The following SLIT2 variants were observed in gnomAD, a reference collection of about 807,000 sequenced individuals.
SLIT2 encodes the protein slit homolog 2 protein.
SLIT2 carries 41 observed loss-of-function variants against 185.7 expected under a neutral mutation model. The observed-to-expected ratio is 0.22, with a 90% CI of 0.17 to 0.29. The LOEUF (loss-of-function observed/expected upper bound fraction) is 0.29. Ranked by LOEUF, SLIT2 falls within the 10% of genes least tolerant of loss-of-function variation. The pLI is 1.00. For missense variants in SLIT2, 1,571 were observed against 1,909.0 expected, an observed-to-expected ratio of 0.82 and a Z score of 3.30; for synonymous variants, 693 against 680.2, an observed-to-expected ratio of 1.02 and a Z score of -0.29.
rs1295718432 is a variant in SLIT2, at chr4:20,596,459, C to G, written c.3365C>G (p.Thr1122Ser). The G allele has an allele frequency of 1.2e-6, 2 of 1,613,962 alleles. No homozygotes were observed. Among genetic ancestry groups the G allele is most frequent in the Non-Finnish European group, 1.7e-6 (2 of 1,179,894 alleles). The change falls in exon 32 of 37, where the codon ACC becomes AGC. Residue 1122 changes from threonine (T) to serine (S), a missense_variant. Physicochemically the swap from Thr to Ser is moderately conservative, Grantham distance 58 (BLOSUM62 1). Transcript: ENST00000504154. ...EFSPPMVLPR[T>S]SPCDNFDCQN... ...TCTCCACCCATGGTCCTCCCTCGTA[C>G]CAGCCCCTGTGATAATTTTGATTGT...
intron 4 of SLIT2, among the ~76,000 whole-genome samples, chr4:20,409,431 A>G (rs1727028050): frequency 1.3e-5 from 2 of 152,168 alleles, no homozygotes; most frequent in Admixed American, 1.3e-4. Flanking sequence ...ATAGTATTCC[A>G]TGGTGTATAT....
intron 11 of SLIT2, 97 bp from the exon 12 acceptor site, chr4:20,519,285 C>A (rs933748686): frequency 2.2e-5 from 15 of 687,740 alleles, no homozygotes; most frequent in Middle Eastern, 3.7e-4. Flanking sequence ...GTATTGATTG[C>A]CTACTAGCTT....
chr4:20,566,801 T>C (rs1454551753), intron 26 of SLIT2, among the ~76,000 whole-genome samples: 1 of 152,028 alleles, frequency 6.6e-6, no homozygotes. Flanking sequence ...AGGTGCATTG[T>C]ATTGTGTATT....
intron 4 of SLIT2, among the ~76,000 whole-genome samples, chr4:20,288,858 A>G (rs1333393235): frequency 6.6e-6 from 1 of 152,186 alleles, no homozygotes; most frequent in Non-Finnish European, 1.5e-5. Context: ...TTCCTGGTTC[A>G]TAGTCAGTGA....
intron 4 of SLIT2, among the ~76,000 whole-genome samples, chr4:20,430,739 G>A (rs1279661534): frequency 1.3e-5 from 2 of 152,058 alleles, no homozygotes; most frequent in African/African-American, 4.8e-5. Flanking sequence ...CCGCCCATGG[G>A]GCCTCGTATT....
At position 20,428,838 on chromosome 4, in the gene SLIT2, C is replaced by T. The variant is rs181518792; in HGVS notation, c.396-38914C>T. ...AATTTTAAATGGGAAATTGCTGACA[C>T]GTTAAAGTGGCATCTGTCCTGCTCC... is the stretch of plus-strand genomic sequence containing the variant. On this transcript the variant is annotated intron_variant, in intron 4 of 36. Coordinates refer to ENST00000504154, the MANE Select transcript of SLIT2 (RefSeq NM_004787.4). Among the ~76,000 whole-genome samples, 777 of 152,272 alleles carry T rather than the reference C, an allele frequency of 5.1e-3. 15 individuals carry two copies. The highest frequency in any genetic ancestry group is 0.02 in the Middle Eastern group (6 of 294).
rs140946168 is a variant in SLIT2, at chr4:20,391,014, A to G, written c.396-76738A>G. On this transcript the variant is annotated intron_variant, in intron 4 of 36. Coordinates refer to ENST00000504154, the MANE Select transcript of SLIT2 (RefSeq NM_004787.4). Reference sequence around the variant, plus strand: ...GAATTTTAATTTTACGGTGCCCATAAATAATCCACTTAAAGATGGAAAACA... The same window carrying G: ...GAATTTTAATTTTACGGTGCCCATAGATAATCCACTTAAAGATGGAAAACA... Among the ~76,000 whole-genome samples, 149 of 152,154 alleles carry G rather than the reference A, an allele frequency of 9.8e-4. 1 individual carries two copies. The highest frequency in any genetic ancestry group is 3.3e-3 in the African/African-American group (138 of 41,542).
intron 4 of SLIT2, among the ~76,000 whole-genome samples, chr4:20,376,822 A>G (rs1170816037): frequency 1.3e-5 from 2 of 151,860 alleles, no homozygotes; most frequent in Non-Finnish European, 2.9e-5. Context: ...GAATTGAACA[A>G]TGAGAACAGT....
chr4:20,275,770 A>G lies in SLIT2; in HGVS notation c.395+6889A>G, dbSNP rs570060727. 4.1e-4 allele frequency among the ~76,000 whole-genome samples: 63 copies of G among 152,310 alleles called. 1 individual carries two copies. The highest frequency in any genetic ancestry group is 1.2e-3 in the African/African-American group (51 of 41,576). On this transcript the variant is annotated intron_variant, in intron 4 of 36. Coordinates refer to ENST00000504154, the MANE Select transcript of SLIT2 (RefSeq NM_004787.4). ...ATTCATATAGTTTTAAAATTCATCT[A>G]TAAAATAAATTACAGATAGAAACAA...
At chr4:20,360,219 A>G (rs6447958) in intron 4 of SLIT2, among the ~76,000 whole-genome samples, 140,461 of 152,202 alleles carry the variant, frequency 0.92, 64,902 homozygotes, top group East Asian at 0.97. Context: ...TCAACTGAAT[A>G]CCTATTATCT....
At chr4:20,456,997 A>G (rs1713146427) in intron 4 of SLIT2, among the ~76,000 whole-genome samples, 1 of 152,152 alleles carries the variant, frequency 6.6e-6, no homozygotes, top group South Asian at 2.1e-4. Flanking sequence ...CCAAAGAGCA[A>G]GTCATCATTG....
intron 5 of SLIT2, among the ~76,000 whole-genome samples, chr4:20,472,453 G>C (rs372884052): frequency 8.5e-5 from 2 of 23,460 alleles, no homozygotes; most frequent in African/African-American, 1.7e-4. Context: ...TATCTATATA[G>C]ATATATCTAT....
chr4:20,567,471 G>C, intron 27 of SLIT2, 47 bp from the exon 28 acceptor site: 1 of 1,609,382 alleles, frequency 6.2e-7, no homozygotes, highest in Non-Finnish European at 8.5e-7. Context: ...CTTTCTGTAT[G>C]TGCCAAGAAC....
chr4:20,531,878 T>A (rs1721841567), intron 16 of SLIT2, 106 bp from the exon 17 acceptor site: 2 of 623,546 alleles, frequency 3.2e-6, no homozygotes, highest in Non-Finnish European at 5.6e-6. Flanking sequence ...TTCCTTTTAT[T>A]TTCCTGGTAT....
chr4:20,548,481 C>T lies in SLIT2; in HGVS notation c.2346-7C>T, dbSNP rs903811108. On this transcript the variant is annotated splice_region_variant and splice_polypyrimidine_tract_variant and intron_variant, in intron 22 of 36. Transcript: ENST00000504154. Reference sequence around the variant, plus strand: ...AATAGTGTACTCCATTTCTTTTTCTCTTTTAGAGACTTAAGTAACAACAGA... The same window carrying T: ...AATAGTGTACTCCATTTCTTTTTCTTTTTTAGAGACTTAAGTAACAACAGA... The T allele has an allele frequency of 2.0e-6, 3 of 1,527,916 alleles. No individual in the cohort carries two copies. The highest frequency in any genetic ancestry group is 1.7e-5 in the Admixed American group (1 of 59,330). 94.6% of individuals were successfully genotyped at this position (1,527,916 alleles called of 1,614,324 possible).
intron 33 of SLIT2, among the ~76,000 whole-genome samples, chr4:20,604,203 C>G (rs1274937456): frequency 2.0e-5 from 3 of 152,194 alleles, no homozygotes; most frequent in African/African-American, 7.2e-5. Context: ...CCTGACATCT[C>G]ACTGTACAGT....
At chr4:20,353,615 T>G (rs1577486347) in intron 4 of SLIT2, among the ~76,000 whole-genome samples, 1 of 152,196 alleles carries the variant, frequency 6.6e-6, no homozygotes, top group Non-Finnish European at 1.5e-5. Context: ...AACTCTGTTA[T>G]GAGGAATTTT....
chr4:20,369,516 A>C (rs1277706634), intron 4 of SLIT2, among the ~76,000 whole-genome samples: 1 of 152,096 alleles, frequency 6.6e-6, no homozygotes, highest in Non-Finnish European at 1.5e-5. Flanking sequence ...AAAGTCTAAA[A>C]TATTTACTCT....
chr4:20,601,386 C>T (rs1728401658), intron 33 of SLIT2, among the ~76,000 whole-genome samples: 1 of 152,134 alleles, frequency 6.6e-6, no homozygotes, highest in African/African-American at 2.4e-5. Context: ...AAAATATTTG[C>T]AACAATGCTA....
Sources: allele counts gnomAD v4.1 joint callset (sites outside exome capture counted in the v4.1 genomes callset), GRCh38; gene constraint gnomAD v4.1.1; transcripts MANE v1.5; gene names NCBI Gene and HGNC (gene_info 2026-07-23, HGNC 2026-07-21).